ZNF609: variants seen among roughly 807,000 people sequenced by gnomAD.
ZNF609 encodes zinc finger protein 609.
In ZNF609, 11 loss-of-function variants were observed where a neutral mutation model predicts 109.5. The ratio of observed to expected loss-of-function variants is 0.10; its 90% CI spans 0.06 to 0.17. The LOEUF is 0.17. ZNF609 is among the 10% of genes least tolerant of loss of function. The pLI is 1.00. For missense variants in ZNF609, 1,559 were observed against 1,772.4 expected (o/e 0.88, Z 2.16); for synonymous variants, 646 against 662.0 (o/e 0.98, Z 0.37).
At position 64,477,022 on chromosome 15, in the gene ZNF609, T is replaced by C. The variant is rs551837653; in HGVS notation, c.-128+16184T>C. The stretch of plus-strand genomic sequence containing the variant: ...ACACATTAGCTGTGTTTTGGAAGTC[T>C]CAGTACCTAATTTCAGCAGCCTAAA... On this transcript the variant is annotated intron_variant, in intron 1 of 9. Transcript: ENST00000326648. Among the ~76,000 whole-genome samples the C allele has an allele frequency of 2.0e-5, 3 of 152,284 alleles. No individual in the cohort carries two copies. The South Asian group carries it at 6.2e-4, about 32-fold the overall frequency.
At chr15:64,611,450 T>G (rs1003972808) in intron 2 of ZNF609, among the ~76,000 whole-genome samples, 1 of 152,196 alleles carries the variant, frequency 6.6e-6, no homozygotes, top group African/African-American at 2.4e-5. Context: ...TGATTTTGCT[T>G]ATGAGATTTT....
intron 2 of ZNF609, among the ~76,000 whole-genome samples, chr15:64,509,328 T>C (rs1008972043): frequency 6.6e-6 from 1 of 152,176 alleles, no homozygotes; most frequent in Non-Finnish European, 1.5e-5. Flanking sequence ...AGTACTGACC[T>C]CATAGGGTTA....
At chr15:64,523,814 T>C (rs371269737) in intron 2 of ZNF609, among the ~76,000 whole-genome samples, 1 of 152,008 alleles carries the variant, frequency 6.6e-6, no homozygotes, top group African/African-American at 2.4e-5. Context: ...AAATTTCATG[T>C]GAATGGAAGA....
intron 3 of ZNF609, among the ~76,000 whole-genome samples, chr15:64,663,955 G>A (rs931187506): frequency 2.6e-5 from 4 of 151,872 alleles, no homozygotes; most frequent in African/African-American, 7.3e-5. Flanking sequence ...CTGGCCAGTC[G>A]TGGTGGCTCA....
chr15:64,541,795 G>C (rs1445110140), intron 2 of ZNF609, among the ~76,000 whole-genome samples: 1 of 143,962 alleles, frequency 6.9e-6, no homozygotes, highest in African/African-American at 2.6e-5. Context: ...AGCCGAGATC[G>C]TGCCACTGCA....
intron 2 of ZNF609, among the ~76,000 whole-genome samples, chr15:64,576,937 TATAA>T (rs1190707578): frequency 9.1e-6 from 1 of 110,194 alleles, no homozygotes; most frequent in African/African-American, 3.1e-5. Context: ...TATATATACA[TATAA>T]ATATATACAT....
intron 1 of ZNF609, among the ~76,000 whole-genome samples, chr15:64,479,476 G>A (rs1028035253): frequency 6.6e-5 from 10 of 151,306 alleles, no homozygotes; most frequent in Non-Finnish European, 1.2e-4. Flanking sequence ...TATTTTTAGT[G>A]GAGATGGGGT....
chr15:64,464,784 C>T (rs1051694965), intron 1 of ZNF609, among the ~76,000 whole-genome samples: 2 of 152,126 alleles, frequency 1.3e-5, no homozygotes, highest in Admixed American at 1.3e-4. Flanking sequence ...CACCAAAGCA[C>T]CTGCCTAGCT....
At chr15:64,595,982 TAATA>T (rs760474325) in intron 2 of ZNF609, among the ~76,000 whole-genome samples, 6 of 152,308 alleles carry the variant, frequency 3.9e-5, no homozygotes, top group African/African-American at 7.2e-5. Context: ...ATTGGTAGCT[TAATA>T]AATAAATTAT....
intron 3 of ZNF609, among the ~76,000 whole-genome samples, chr15:64,630,024 AAAAATTT>A (rs1271682516): frequency 1.3e-4 from 20 of 151,992 alleles, no homozygotes. Context: ...ATTTTTTACC[AAAAATTT>A]CCTTCTCTTT....
At position 64,683,667 on chromosome 15, in the gene ZNF609, AC is replaced by A. The variant is rs1169336211; in HGVS notation, c.*1985del. The A allele has an allele frequency of 6.6e-6, 1 of 152,066 alleles. No homozygotes were observed. The highest frequency in any genetic ancestry group is 1.5e-5 in the Non-Finnish European group (1 of 68,066). 9.4% of individuals were successfully genotyped at this position (152,066 alleles called of 1,614,324 possible). A position where few individuals can be genotyped will look rare whatever the true frequency, so the allele number is the denominator to read the frequency against. ...ACCGTCATCCCACCCCACCTGAGTC[AC>A]CCCAACCAAGAGGGTGACTGAATTT... On this transcript the variant is annotated 3_prime_UTR_variant, in exon 10 of 10. Transcript: ENST00000326648.
At chr15:64,614,061 G>T (rs1412686156) in intron 2 of ZNF609, among the ~76,000 whole-genome samples, 6 of 149,508 alleles carry the variant, frequency 4.0e-5, no homozygotes, top group African/African-American at 1.5e-4. Flanking sequence ...GGCATTAAAG[G>T]CACCCACCAC....
At chr15:64,508,066 CT>C (rs1893662803) in intron 2 of ZNF609, among the ~76,000 whole-genome samples, 2 of 151,902 alleles carry the variant, frequency 1.3e-5, no homozygotes, top group Non-Finnish European at 2.9e-5. Flanking sequence ...TGGGTCAGTC[CT>C]GGGTAAGAGC....
chr15:64,660,622 G>A (rs1053867123), intron 3 of ZNF609, among the ~76,000 whole-genome samples: 3 of 152,032 alleles, frequency 2.0e-5, no homozygotes, highest in Non-Finnish European at 2.9e-5. Context: ...CTGGTCCACC[G>A]TTGTCACTAA....
chr15:64,655,681 T>G (rs1451235930), intron 3 of ZNF609, among the ~76,000 whole-genome samples: 1 of 149,408 alleles, frequency 6.7e-6, no homozygotes, highest in African/African-American at 2.5e-5. Context: ...ACAAAAAAAA[T>G]TAGCTGGGCA....
chr15:64,497,001 GAC>G (rs1443872980), intron 1 of ZNF609, among the ~76,000 whole-genome samples: 1 of 152,062 alleles, frequency 6.6e-6, no homozygotes, highest in African/African-American at 2.4e-5. Flanking sequence ...TTTTTATAGA[GAC>G]AGGGTTTTGC....
At chr15:64,515,250 C>T (rs866421173) in intron 2 of ZNF609, among the ~76,000 whole-genome samples, 1 of 152,180 alleles carries the variant, frequency 6.6e-6, no homozygotes, top group Non-Finnish European at 1.5e-5. Flanking sequence ...CTAGAGATGA[C>T]ACTGCTGTGA....
intron 2 of ZNF609, among the ~76,000 whole-genome samples, chr15:64,565,125 T>C (rs1002771513): frequency 2.0e-5 from 3 of 150,342 alleles, no homozygotes; most frequent in African/African-American, 7.3e-5. Flanking sequence ...AGTGGCGTGA[T>C]CTCTGTTTAC....
chr15:64,570,924 G>A (rs763451166), intron 2 of ZNF609, among the ~76,000 whole-genome samples: 10 of 152,126 alleles, frequency 6.6e-5, no homozygotes, highest in Non-Finnish European at 1.0e-4. Context: ...TACTCGGGAG[G>A]CTGAGGCAGG....
Sources: gnomAD v4.1 joint callset for allele counts (sites outside exome capture counted in the v4.1 genomes callset) on GRCh38, gnomAD v4.1.1 for gene constraint, MANE v1.5 for transcripts, NCBI Gene and HGNC (gene_info 2026-07-23, HGNC 2026-07-21) for gene names.